Variants in NLRC3 observed in about 807,000 individuals in gnomAD.
NLRC3 encodes NLR family CARD domain containing 3.
In NLRC3, 87 loss-of-function variants were observed where a neutral mutation model predicts 91.6. The ratio of observed to expected loss-of-function variants is 0.95; its 90% confidence interval spans 0.80 to 1.14. The LOEUF is 1.14. NLRC3 is among the 50% of genes most tolerant of loss of function. The pLI is 0.00. For synonymous variants in NLRC3, 694 were observed against 625.3 expected, an observed-to-expected ratio of 1.11 and a Z score of -1.64; for missense variants, 1,577 against 1,418.6, an observed-to-expected ratio of 1.11 and a Z score of -1.79.
intron 1 of NLRC3, among the ~76,000 whole-genome samples, chr16:3,573,545 C>T (rs1047241846): frequency 6.6e-6 from 1 of 152,210 alleles, no homozygotes; most frequent in African/African-American, 2.4e-5. Flanking sequence ...CTCTGTCCTT[C>T]ACTGTGTGAC....
rs373255320 is a variant in NLRC3 at position 3,542,208 on chromosome 16, G to A, written c.3090C>T (p.His1030=). 59 of 1,587,866 alleles carry A rather than the reference G, an allele frequency of 3.7e-5. 1 individual carries two copies. In the African/African-American group the frequency reaches 7.7e-4, roughly 21 times the overall value. The change falls in exon 19 of 20, where the codon CAC becomes CAT. Residue 1030 remains histidine, a synonymous_variant. Transcript: ENST00000359128. The part of the protein sequence containing the change: ...ICIATALSGN[H]RLQHINLQGN... ...GCACTCACTTGATATGCTGGAGCCT[G>A]TGGTTTCCAGACAGTGCTGTGGCAA... is the stretch of plus-strand genomic sequence containing the variant.
chr16:3,557,642 TG>T lies in NLRC3; in HGVS notation c.2049del (p.Ala685LeufsTer12). 6.2e-7 allele frequency: 1 copy of T among 1,613,774 alleles called. No homozygotes were observed. The stretch of plus-strand genomic sequence containing the variant: ...ACCAAGAGGGATCTGGCCAGAGCTT[TG>T]GCCCCTTTGTTACTGATCTGGTTCT... ...LAENQISNKGAKALARSLLVN... is the reference protein window; with the variant it reads ...LAENQISNKGXKALARSLLVN... On this transcript the variant is annotated frameshift_variant, in exon 7 of 20. Coordinates refer to ENST00000359128, the MANE Select transcript of NLRC3 (RefSeq NM_178844.4). LOFTEE classifies it high-confidence loss of function.
rs112030298 is a variant in NLRC3, at chr16:3,577,273, C to G, written c.-293G>C. 38,148 of 695,464 alleles carry G rather than the reference C, an allele frequency of 0.055. 1,622 individuals are homozygous for G. The highest frequency in any genetic ancestry group is 0.14 in the African/African-American group (7,843 of 57,196). The allele number at this position is 695,464 out of a possible 1,614,324, so 43.1% of individuals were successfully genotyped here. On this transcript the variant is annotated 5_prime_UTR_variant, in exon 1 of 20. Coordinates refer to ENST00000359128, the MANE Select transcript of NLRC3 (RefSeq NM_178844.4). Reference sequence around the variant, plus strand: ...GGTAGATGCCCTGGGAATCCCTGTGCCAGCCTGAGTTCTCAGGACCAGGGA... The same window carrying G: ...GGTAGATGCCCTGGGAATCCCTGTGGCAGCCTGAGTTCTCAGGACCAGGGA...
rs984268372 is a variant in NLRC3, at chr16:3,543,788, G to C, written c.2856-280C>G. 12 of 462,588 alleles carry C rather than the reference G, an allele frequency of 2.6e-5. No individual in the cohort carries two copies. In the South Asian group the frequency reaches 3.4e-4, roughly 13 times the overall value. 28.7% of individuals were successfully genotyped at this position (462,588 alleles called of 1,614,324 possible). The stretch of plus-strand genomic sequence containing the variant: ...CCTCATTACTACTCTCTAGGTGTTT[G>C]AGCCCCCAACTGCTAATATCATATT... On this transcript the variant is annotated intron_variant, in intron 16 of 19. Coordinates refer to ENST00000359128, the MANE Select transcript of NLRC3 (RefSeq NM_178844.4).
At chr16:3,574,206 G>A (rs778367828) in intron 1 of NLRC3, among the ~76,000 whole-genome samples, 13 of 151,704 alleles carry the variant, frequency 8.6e-5, no homozygotes, top group Middle Eastern at 3.4e-3. Flanking sequence ...GTAGAGACAG[G>A]GTTTCACCAT....
intron 15 of NLRC3, among the ~76,000 whole-genome samples, chr16:3,546,550 C>T (rs1423651897): frequency 6.6e-6 from 1 of 152,088 alleles, no homozygotes; most frequent in Non-Finnish European, 1.5e-5. Context: ...GAGCGAGACT[C>T]CATCTCAAAA....
At chr16:3,550,541 C>G (rs1425395734) in intron 10 of NLRC3, 44 bp from the exon 11 acceptor site, 1 of 1,437,258 alleles carries the variant, frequency 7.0e-7, no homozygotes, top group South Asian at 1.1e-5. Flanking sequence ...TGGGAGCTGC[C>G]AGGCAGGGCT....
intron 17 of NLRC3, chr16:3,543,208 G>A (rs1391457332): frequency 3.6e-6 from 2 of 550,576 alleles, no homozygotes; most frequent in African/African-American, 3.8e-5. Flanking sequence ...CTCTAGACGT[G>A]TTCAGCCTGG....
intron 1 of NLRC3, among the ~76,000 whole-genome samples, chr16:3,571,945 A>G (rs915424006): frequency 1.3e-5 from 2 of 151,322 alleles, no homozygotes; most frequent in African/African-American, 4.9e-5. Flanking sequence ...ATCTCAAAAA[A>G]TAATAATAAT....
In NLRC3 at chr16:3,549,368, A is replaced by T. The variant is rs2038876674; in HGVS notation, c.2520-143T>A. ...TCTGCATAGTCTGGGCTGAGGTGTGAAGGAGCCAGTGCTAGTGAGCCAGTG... is the reference window on the plus strand; with the variant it reads ...TCTGCATAGTCTGGGCTGAGGTGTGTAGGAGCCAGTGCTAGTGAGCCAGTG... On this transcript the variant is annotated intron_variant, in intron 12 of 19. Coordinates refer to ENST00000359128, the MANE Select transcript of NLRC3 (RefSeq NM_178844.4). 5.8e-6 allele frequency: 4 copies of T among 693,154 alleles called. No homozygotes were observed. The East Asian group carries it at 8.1e-5, about 14-fold the overall frequency. The allele number at this position is 693,154 out of a possible 1,614,324, so 42.9% of individuals were successfully genotyped here.
intron 1 of NLRC3, among the ~76,000 whole-genome samples, chr16:3,576,007 C>A (rs1411815990): frequency 6.6e-6 from 1 of 152,232 alleles, no homozygotes; most frequent in Non-Finnish European, 1.5e-5. Flanking sequence ...GAAGTGGCAC[C>A]TGCACCTCAG....
At chr16:3,557,763 C>G (rs1362038552) in intron 6 of NLRC3, 87 bp from the exon 7 acceptor site, 1 of 815,754 alleles carries the variant, frequency 1.2e-6, no homozygotes, top group Non-Finnish European at 2.1e-6. Flanking sequence ...GATTAATCCT[C>G]TAGGCTCCCC....
In NLRC3 at chr16:3,549,733, C is replaced by T. The variant is rs1274367163; in HGVS notation, c.2483G>A (p.Gly828Glu). The change falls in exon 12 of 20, where the codon GGG becomes GAG. Residue 828 changes from glycine (G) to glutamate (E), a missense_variant. Transcript: ENST00000359128. Reference protein sequence around the residue: ...ISDAGVAALMGALCTNQTLLS... With the variant: ...ISDAGVAALMEALCTNQTLLS... Reference sequence around the variant, plus strand: ...GAGGGTCTGGTTGGTGCAGAGGGCCCCCATCAGTGCTGCCACTCCTGCGTC... The same window carrying T: ...GAGGGTCTGGTTGGTGCAGAGGGCCTCCATCAGTGCTGCCACTCCTGCGTC... 4.5e-6 allele frequency: 7 copies of T among 1,551,182 alleles called. No individual in the cohort carries two copies. Among genetic ancestry groups the T allele is most frequent in the Non-Finnish European group, 6.1e-6 (7 of 1,146,874 alleles).
rs1169483348 is a variant in NLRC3 at position 3,564,524 on chromosome 16, G to A, written c.413C>T (p.Pro138Leu). 2 of 1,612,270 alleles carry A rather than the reference G, an allele frequency of 1.2e-6. No homozygotes were observed. Among genetic ancestry groups the A allele is most frequent in the East Asian group, 2.2e-5 (1 of 44,868 alleles). The change falls in exon 5 of 20, where the codon CCC (proline) becomes CTC (leucine). Residue 138 changes from proline (P) to leucine (L), a missense_variant. Coordinates refer to ENST00000359128, the MANE Select transcript of NLRC3 (RefSeq NM_178844.4). The surrounding 1 kb of genome is among the most constrained non-coding windows in gnomAD (Gnocchi z 5.9). ...CACCCCGATAGTGATGGAGACCCGG[G>A]GTGGGACAGACACCCGGGAGAGAGG... ...FLPLSRVSVP[P>L]RVSITIGVAG... is the part of the protein sequence containing the mutation.
Position 3,563,907 on chromosome 16 carries a change from G to T in NLRC3, c.1030C>A (p.Arg344Ser), listed in dbSNP as rs765941259. The change falls in exon 5 of 20, where the codon CGC becomes AGC. Residue 344 changes from arginine to serine, a missense_variant. Transcript: ENST00000359128. ...LTGMALGHLW[R>S]SRTGPQDAEL... ...GCATCCTGGGGCCCCGTCCTGCTGC[G>T]CCACAGGTGGCCTAGCGCCATCCCC... 4 of 1,592,570 alleles carry T rather than the reference G, an allele frequency of 2.5e-6. No individual in the cohort carries two copies. The highest frequency in any genetic ancestry group is 3.4e-6 in the Non-Finnish European group (4 of 1,170,656).
At position 3,541,332 on chromosome 16, in the gene NLRC3, A is replaced by T. The variant is rs1180288009; in HGVS notation, c.*493T>A. On this transcript the variant is annotated 3_prime_UTR_variant, in exon 20 of 20. Coordinates refer to ENST00000359128, the MANE Select transcript of NLRC3 (RefSeq NM_178844.4). ...GCTTTTTCATGTCTGTAAGGATGAT[A>T]CCCTGAAATCTTCTTCTTGAGAAGA... 6.5e-6 allele frequency: 1 copy of T among 153,334 alleles called. No homozygotes were observed. Among genetic ancestry groups the T allele is most frequent in the African/African-American group, 2.4e-5 (1 of 41,496 alleles). The allele number at this position is 153,334 out of a possible 1,614,324, so 9.5% of individuals were successfully genotyped here. A position where few individuals can be genotyped will look rare whatever the true frequency, so the allele number is the denominator to read the frequency against.
rs546153358 is a variant in NLRC3, at chr16:3,575,908, C to G, written c.-169+1241G>C. Reference sequence around the variant, plus strand: ...TCTTCCCACATCCTGCCCCTGCCCCCTCCCAGGGCCTTGGAATTCAGGACT... The same window carrying G: ...TCTTCCCACATCCTGCCCCTGCCCCGTCCCAGGGCCTTGGAATTCAGGACT... On this transcript the variant is annotated intron_variant, in intron 1 of 19. Coordinates refer to ENST00000359128, the MANE Select transcript of NLRC3 (RefSeq NM_178844.4). 4.6e-5 allele frequency among the ~76,000 whole-genome samples: 7 copies of G among 152,352 alleles called. No homozygotes were observed. The East Asian group carries it at 1.3e-3, about 29-fold the overall frequency.
rs368607854 is a variant in NLRC3, at chr16:3,556,930, G to A, written c.2164C>T (p.Arg722Cys). The A allele has an allele frequency of 1.8e-5, 29 of 1,613,124 alleles. No individual in the cohort carries two copies. The highest frequency in any genetic ancestry group is 1.7e-4 in the Middle Eastern group (1 of 5,910). Residue 722 changes from arginine (R) to cysteine (C), a missense_variant, in exon 8 of 20, where the codon CGC becomes TGC. Physicochemically the swap from Arg to Cys is radical, Grantham distance 180. Coordinates refer to ENST00000359128, the MANE Select transcript of NLRC3 (RefSeq NM_178844.4). Reference sequence around the variant, plus strand: ...ACACACCTCAGGGAGGTCAGGGTGCGGTTGATCTTCAAAGCGTCTGCCAGC... The same window carrying A: ...ACACACCTCAGGGAGGTCAGGGTGCAGTTGATCTTCAAAGCGTCTGCCAGC... ...KALADALKIN[R>C]TLTSLSLQGN...
chr16:3,551,981 T>TCACCCATCCATCCATC (rs57728849), intron 10 of NLRC3, among the ~76,000 whole-genome samples: 1 of 147,354 alleles, frequency 6.8e-6, no homozygotes, highest in East Asian at 2.0e-4. Flanking sequence ...ATCCCTTCAT[T>TCACCCATCCATCCATC]CATCCATCCA....
Sources: gnomAD v4.1 joint callset for allele counts (sites outside exome capture counted in the v4.1 genomes callset) on GRCh38, gnomAD v4.1.1 for gene constraint, Gnocchi (gnomAD v3.1) non-coding constraint, MANE v1.5 for transcripts, NCBI Gene and HGNC (gene_info 2026-07-23, HGNC 2026-07-21) for gene names.